The following ACER3 variants were observed in gnomAD, a reference collection of about 807,000 sequenced individuals.
The protein encoded by ACER3 is alkaline ceramidase 3, also known as alkCDase 3.
A neutral mutation model predicts 48.9 loss-of-function variants in ACER3; 16 were observed. That is an observed-to-expected ratio of 0.33 (90% confidence interval 0.22 to 0.50). The LOEUF is 0.50. ACER3 is among the 20% of genes least tolerant of loss of function. The pLI is 0.98. For missense variants in ACER3, 227 were observed against 326.0 expected (o/e 0.70, Z 2.34); for synonymous variants, 109 against 107.8 (o/e 1.01, Z -0.07).
At chr11:76,957,172 T>A (rs1318138785) in intron 2 of ACER3, among the ~76,000 whole-genome samples, 1 of 152,240 alleles carries the variant, frequency 6.6e-6, no homozygotes, top group African/African-American at 2.4e-5. Flanking sequence ...TTAGACTATA[T>A]GTTTCATTAA....
intron 6 of ACER3, among the ~76,000 whole-genome samples, chr11:76,994,897 G>C (rs959582081): frequency 2.6e-5 from 4 of 152,142 alleles, no homozygotes; most frequent in Non-Finnish European, 5.9e-5. Flanking sequence ...AGCCATTAAA[G>C]GGTTTTAAGC....
chr11:76,923,160 AC>A (rs1176031148), intron 1 of ACER3, among the ~76,000 whole-genome samples: 3 of 151,644 alleles, frequency 2.0e-5, no homozygotes, highest in African/African-American at 7.3e-5. Flanking sequence ...AAAAAAAAAA[AC>A]AAACCCAGCT....
chr11:76,870,159 A>T (rs1945206146), intron 1 of ACER3, among the ~76,000 whole-genome samples: 1 of 139,798 alleles, frequency 7.2e-6, no homozygotes. Flanking sequence ...ACCACACCTG[A>T]CTAATTTTTT....
intron 2 of ACER3, among the ~76,000 whole-genome samples, chr11:76,942,934 A>C (rs1947374264): frequency 6.6e-6 from 1 of 151,862 alleles, no homozygotes; most frequent in South Asian, 2.1e-4. Context: ...TGTTTCCCAG[A>C]ATTTATCTAT....
chr11:76,961,051 C>T (rs575785131), intron 3 of ACER3, among the ~76,000 whole-genome samples: 1 of 152,136 alleles, frequency 6.6e-6, no homozygotes, highest in Admixed American at 6.5e-5. Flanking sequence ...GCAGCAGCAG[C>T]CCAGCACCAA....
intron 1 of ACER3, among the ~76,000 whole-genome samples, chr11:76,913,694 A>C (rs1278085042): frequency 6.6e-6 from 1 of 152,194 alleles, no homozygotes; most frequent in Non-Finnish European, 1.5e-5. Flanking sequence ...GAATTGGAAA[A>C]AATTACTTTA....
intron 1 of ACER3, among the ~76,000 whole-genome samples, chr11:76,899,751 C>T (rs1394887533): frequency 1.3e-5 from 2 of 152,176 alleles, no homozygotes; most frequent in African/African-American, 4.8e-5. Flanking sequence ...TTCCCCTAGA[C>T]ATGTTACTTT....
Position 76,863,684 on chromosome 11 carries a change from A to T in ACER3, c.103+2605A>T, listed in dbSNP as rs531244644. On this transcript the variant is annotated intron_variant, in intron 1 of 10. Coordinates refer to ENST00000532485, the MANE Select transcript of ACER3 (RefSeq NM_018367.7). ...TGATGGTAATATTAAGGATAATGTA[A>T]TAATAGCTATTATCTAAGTGGTCAC... 5.3e-5 allele frequency among the ~76,000 whole-genome samples: 8 copies of T among 152,328 alleles called. No individual in the cohort carries two copies. The South Asian group carries it at 1.7e-3, about 32-fold the overall frequency.
Position 76,937,871 on chromosome 11 carries a change from A to G in ACER3, c.214+11204A>G, listed in dbSNP as rs117634519. 1.8e-4 allele frequency among the ~76,000 whole-genome samples: 28 copies of G among 152,366 alleles called. No homozygotes were observed. In the East Asian group the frequency reaches 3.7e-3, roughly 20 times the overall value. On this transcript the variant is annotated intron_variant, in intron 2 of 10. Coordinates refer to ENST00000532485, the MANE Select transcript of ACER3 (RefSeq NM_018367.7). Reference sequence around the variant, plus strand: ...ACTTTTGAAATAGTATTATTATTACATATCCTCAATCTGAAAACAAAAGAA... The same window carrying G: ...ACTTTTGAAATAGTATTATTATTACGTATCCTCAATCTGAAAACAAAAGAA...
In ACER3 at chr11:76,881,565, T is replaced by G. The variant is rs7125613; in HGVS notation, c.103+20486T>G. 1.4e-3 allele frequency among the ~76,000 whole-genome samples: 220 copies of G among 152,298 alleles called. 1 individual carries two copies. Among genetic ancestry groups the G allele is most frequent in the African/African-American group, 4.8e-3 (200 of 41,578 alleles). On this transcript the variant is annotated intron_variant, in intron 1 of 10. Transcript: ENST00000532485. ...ACAGCCCACTTCATGGACCACTTCA[T>G]GAAAAATGTAGAAGCTTGCACAATA...
intron 1 of ACER3, among the ~76,000 whole-genome samples, chr11:76,872,322 T>C (rs1315690165): frequency 1.3e-5 from 2 of 152,096 alleles, no homozygotes; most frequent in Non-Finnish European, 2.9e-5. Flanking sequence ...GTGATCTGCC[T>C]GCCTTGGGCT....
rs191849353 is a variant in ACER3, at chr11:76,905,762, A to G, written c.104-20795A>G. 2.1e-5 allele frequency among the ~76,000 whole-genome samples: 3 copies of G among 146,134 alleles called. No homozygotes were observed. In the East Asian group the frequency reaches 5.8e-4, roughly 28 times the overall value. On this transcript the variant is annotated intron_variant, in intron 1 of 10. Transcript: ENST00000532485. Reference sequence around the variant, plus strand: ...ATACAGAAATTAAAAGGAATGAAATATAGTATCTAATAGATCTCTCAAGAA... The same window carrying G: ...ATACAGAAATTAAAAGGAATGAAATGTAGTATCTAATAGATCTCTCAAGAA...
chr11:76,986,936 C>T (rs1041764531), intron 5 of ACER3, among the ~76,000 whole-genome samples: 1 of 152,022 alleles, frequency 6.6e-6, no homozygotes, highest in Admixed American at 6.5e-5. Flanking sequence ...TGTGGTGGCA[C>T]TCCCCTGTAA....
chr11:76,866,986 C>T (rs767270748), intron 1 of ACER3, among the ~76,000 whole-genome samples: 3 of 152,144 alleles, frequency 2.0e-5, no homozygotes, highest in Admixed American at 1.3e-4. Flanking sequence ...TTTCTGACAG[C>T]GTAAACTTGG....
At position 77,016,803 on chromosome 11, in the gene ACER3, C is replaced by T. The variant is rs1177936967; in HGVS notation, c.704+24C>T. The T allele has an allele frequency of 3.0e-6, 4 of 1,317,394 alleles. No homozygotes were observed. The African/African-American group carries it at 4.6e-5, about 15-fold the overall frequency. The allele number at this position is 1,317,394 out of a possible 1,614,324, so 81.6% of individuals were successfully genotyped here. The stretch of plus-strand genomic sequence containing the variant: ...AGGTAGGAAATAGAGACTTTTTTAG[C>T]CTCGTACTAGAGTTTGTTGTTTTTT... On this transcript the variant is annotated intron_variant, in intron 9 of 10. Transcript: ENST00000532485.
chr11:76,947,824 AAG>A (rs1440001333), intron 2 of ACER3, among the ~76,000 whole-genome samples: 1 of 152,178 alleles, frequency 6.6e-6, no homozygotes, highest in African/African-American at 2.4e-5. Context: ...GTGCATATGG[AAG>A]TATGATTTTC....
At chr11:76,976,849 A>G (rs1166388218) in intron 4 of ACER3, among the ~76,000 whole-genome samples, 2 of 152,162 alleles carry the variant, frequency 1.3e-5, no homozygotes, top group Non-Finnish European at 2.9e-5. Flanking sequence ...TTGATTGGTT[A>G]TTTACAAATA....
chr11:76,906,258 A>G (rs920614260), intron 1 of ACER3, among the ~76,000 whole-genome samples: 1 of 152,222 alleles, frequency 6.6e-6, no homozygotes, highest in Admixed American at 6.5e-5. Context: ...AATTCTGCTC[A>G]AGTATAGATG....
intron 1 of ACER3, among the ~76,000 whole-genome samples, 197 bp downstream of exon 1, chr11:76,861,276 C>A (rs1408506592): frequency 8.7e-6 from 1 of 115,234 alleles, no homozygotes; most frequent in Non-Finnish European, 1.8e-5. Context: ...GGAGGAGTAC[C>A]GGGGTCTGGG....
Sources: allele counts gnomAD v4.1 joint callset (sites outside exome capture counted in the v4.1 genomes callset), GRCh38; gene constraint gnomAD v4.1.1; transcripts MANE v1.5; gene names NCBI Gene and HGNC (gene_info 2026-07-23, HGNC 2026-07-21).